The following SAMD12 variants were observed in gnomAD, a reference collection of about 807,000 sequenced individuals.
The protein encoded by SAMD12 is sterile alpha motif domain containing 12.
A neutral mutation model predicts 15.0 loss-of-function variants in SAMD12; 9 were observed. The observed-to-expected ratio is 0.60, with a 90% CI of 0.36 to 1.05. SAMD12 has a LOEUF of 1.05. Ranked by LOEUF, SAMD12 falls within the 50% of genes least tolerant of loss-of-function variation. The pLI, the probability that SAMD12 is intolerant of heterozygous loss-of-function variation, is 0.01. For synonymous variants in SAMD12, 86 were observed against 90.1 expected, an observed-to-expected ratio of 0.96 and a Z score of 0.25; for missense variants, 230 against 234.2, an observed-to-expected ratio of 0.98 and a Z score of 0.12.
At chr8:118,550,993 T>G (rs1478419842) in intron 2 of SAMD12, among the ~76,000 whole-genome samples, 6 of 151,884 alleles carry the variant, frequency 4.0e-5, no homozygotes, top group South Asian at 2.1e-4. Flanking sequence ...CCTAAATATA[T>G]ATGCACCCAA....
chr8:118,285,267 G>C (rs185883450), intron 4 of SAMD12, among the ~76,000 whole-genome samples: 2 of 151,964 alleles, frequency 1.3e-5, no homozygotes, highest in African/African-American at 4.8e-5. Flanking sequence ...TGCACAGTGG[G>C]TACCCATGAG....
chr8:118,142,262 TA>T, the SAMD12 span, among the ~76,000 whole-genome samples: 1 of 152,130 alleles, frequency 6.6e-6, no homozygotes, highest in South Asian at 2.1e-4. Flanking sequence ...GAAATGACAT[TA>T]ACCTTTTAAG....
At chr8:118,183,135 T>C in the SAMD12 span, among the ~76,000 whole-genome samples, 1 of 152,216 alleles carries the variant, frequency 6.6e-6, no homozygotes, top group Non-Finnish European at 1.5e-5. Context: ...CAATCTCCTG[T>C]TGTATTCCCA....
At position 118,378,492 on chromosome 8, in the gene SAMD12, A is replaced by G. The variant is rs138053744; in HGVS notation, c.*925T>C. 59 of 984,528 alleles carry G rather than the reference A, an allele frequency of 6.0e-5. No homozygotes were observed. In the East Asian group the frequency reaches 4.8e-3, roughly 80 times the overall value. 61.0% of individuals were successfully genotyped at this position (984,528 alleles called of 1,614,324 possible). On this transcript the variant is annotated 3_prime_UTR_variant, in exon 4 of 4. Coordinates refer to ENST00000314727, the MANE Select transcript of SAMD12 (RefSeq NM_207506.3). The stretch of plus-strand genomic sequence containing the variant: ...ACTATTTTACGATCACTTGAAATCT[A>G]TATTTATCCTTCTAGAATAGTCATC...
intron 4 of SAMD12, among the ~76,000 whole-genome samples, chr8:118,297,758 CT>C (rs139900362): frequency 1.3e-5 from 2 of 152,000 alleles, no homozygotes; most frequent in Admixed American, 6.6e-5. Flanking sequence ...TGTTCACATA[CT>C]TTTTTTTACA....
At chr8:118,501,984 C>T (rs969465186) in intron 2 of SAMD12, among the ~76,000 whole-genome samples, 9 of 144,840 alleles carry the variant, frequency 6.2e-5, no homozygotes, top group Admixed American at 1.4e-4. Flanking sequence ...TGCGCCACTG[C>T]ACTCAAGCCT....
the SAMD12 span, among the ~76,000 whole-genome samples, chr8:118,136,969 C>G: frequency 6.6e-6 from 1 of 152,254 alleles, no homozygotes; most frequent in South Asian, 2.1e-4. Context: ...GCTAGTTGTC[C>G]AGGTTCTCCG....
intron 2 of SAMD12, among the ~76,000 whole-genome samples, chr8:118,536,443 A>AC (rs1825845940): frequency 2.8e-5 from 4 of 140,778 alleles, no homozygotes; most frequent in Non-Finnish European, 3.1e-5. Context: ...CTGATACACA[A>AC]ACACACACAC....
intron 2 of SAMD12, among the ~76,000 whole-genome samples, chr8:118,554,077 T>A (rs1342250735): frequency 6.6e-6 from 1 of 151,778 alleles, no homozygotes; most frequent in African/African-American, 2.4e-5. Flanking sequence ...ACTTTTACAC[T>A]GTTGGTGGGA....
In SAMD12 at chr8:118,488,920, AAAAC is replaced by A. The variant is rs548639600; in HGVS notation, c.193-48963_193-48960del. 1.6e-3 allele frequency among the ~76,000 whole-genome samples: 241 copies of A among 152,352 alleles called. 1 individual carries two copies. The highest frequency in any genetic ancestry group is 2.7e-3 in the Non-Finnish European group (185 of 68,030). Reference sequence around the variant, plus strand: ...TTAAGTGTTTAACTGTATAAAAACAAAAACAAAAATCTTGTCAAACAGTTTTCTG... The same window carrying A: ...TTAAGTGTTTAACTGTATAAAAACAAAAAAATCTTGTCAAACAGTTTTCTG... On this transcript the variant is annotated intron_variant, in intron 2 of 3. Transcript: ENST00000314727.
chr8:118,566,676 C>T (rs1303296012), intron 2 of SAMD12, among the ~76,000 whole-genome samples: 1 of 152,094 alleles, frequency 6.6e-6, no homozygotes, highest in Non-Finnish European at 1.5e-5. Flanking sequence ...TAGAAAGAAA[C>T]ATGAGTGAAG....
intron 4 of SAMD12, among the ~76,000 whole-genome samples, chr8:118,225,995 C>A (rs1812180577): frequency 6.6e-6 from 1 of 152,140 alleles, no homozygotes; most frequent in Non-Finnish European, 1.5e-5. Context: ...CTCAGCTAGA[C>A]TTTCTGGGTC....
intron 3 of SAMD12, among the ~76,000 whole-genome samples, chr8:118,385,708 G>A (rs553158917): frequency 1.3e-5 from 2 of 152,268 alleles, no homozygotes; most frequent in East Asian, 3.9e-4. Flanking sequence ...CTGTGTGCTG[G>A]CACGCAGTAG....
chr8:118,166,893 T>C, the SAMD12 span, among the ~76,000 whole-genome samples: 3 of 152,168 alleles, frequency 2.0e-5, no homozygotes, highest in Non-Finnish European at 4.4e-5. Context: ...ATCTCTCCCA[T>C]GCTCAAGAAC....
chr8:118,349,715 GT>G (rs1817859704), intron 4 of SAMD12, among the ~76,000 whole-genome samples: 1 of 152,180 alleles, frequency 6.6e-6, no homozygotes, highest in South Asian at 2.1e-4. Context: ...TACATTGAAT[GT>G]CCAACCTTTG....
At chr8:118,262,949 T>C (rs909486509) in intron 4 of SAMD12, among the ~76,000 whole-genome samples, 1 of 152,138 alleles carries the variant, frequency 6.6e-6, no homozygotes, top group African/African-American at 2.4e-5. Context: ...AAAAGTTTTC[T>C]TTAATTCATT....
chr8:118,258,536 A>G (rs546543530), intron 4 of SAMD12, among the ~76,000 whole-genome samples: 5 of 152,302 alleles, frequency 3.3e-5, no homozygotes, highest in African/African-American at 1.2e-4. Flanking sequence ...TACTTAAAAT[A>G]TCAAAGAATA....
chr8:118,210,411 C>T (rs1012367745), intron 4 of SAMD12, among the ~76,000 whole-genome samples: 3 of 152,162 alleles, frequency 2.0e-5, no homozygotes, highest in Non-Finnish European at 4.4e-5. Context: ...GTCTGCATCA[C>T]AGCCAAGACC....
intron 2 of SAMD12, among the ~76,000 whole-genome samples, chr8:118,449,580 G>A (rs1823014381): frequency 1.3e-5 from 2 of 151,756 alleles, no homozygotes; most frequent in Admixed American, 1.3e-4. Context: ...GGAAGGCCGA[G>A]GCAGGCACAT....
Sources: allele counts gnomAD v4.1 joint callset (sites outside exome capture counted in the v4.1 genomes callset), GRCh38; gene constraint gnomAD v4.1.1; transcripts MANE v1.5; gene names NCBI Gene and HGNC (gene_info 2026-07-23, HGNC 2026-07-21).